The following IGF2BP2 variants were observed in gnomAD, a reference collection of about 807,000 sequenced individuals.
IGF2BP2 encodes insulin-like growth factor 2 mRNA-binding protein 2.
IGF2BP2 carries 17 observed loss-of-function variants against 75.8 expected under a neutral mutation model. The ratio of observed to expected loss-of-function variants is 0.22; its 90% confidence interval spans 0.15 to 0.34. The LOEUF is 0.34. Among genes scored for constraint, IGF2BP2 ranks in the 10% least tolerant of loss-of-function variants. The pLI is 1.00. For missense variants in IGF2BP2, 516 were observed against 772.4 expected (o/e 0.67, Z 3.93); for synonymous variants, 288 against 295.6 (o/e 0.97, Z 0.26).
At chr3:185,785,667 A>C (rs950222738) in intron 2 of IGF2BP2, among the ~76,000 whole-genome samples, 2 of 150,830 alleles carry the variant, frequency 1.3e-5, no homozygotes, top group Non-Finnish European at 3.0e-5. Flanking sequence ...AATAAAAAAA[A>C]TAATAATAAT....
intron 2 of IGF2BP2, among the ~76,000 whole-genome samples, chr3:185,785,300 C>CA (rs1230648409): frequency 0.041 from 2,739 of 67,482 alleles, 31 homozygotes; most frequent in Admixed American, 0.044. Flanking sequence ...GACTCCTTCT[C>CA]AAAAAAAAAA....
chr3:185,775,304 T>A (rs1734407521), intron 2 of IGF2BP2, among the ~76,000 whole-genome samples: 1 of 152,190 alleles, frequency 6.6e-6, no homozygotes, highest in Non-Finnish European at 1.5e-5. Flanking sequence ...AAGGAGTTGT[T>A]CCAAGAATTG....
At chr3:185,764,696 T>C (rs961325710) in intron 2 of IGF2BP2, among the ~76,000 whole-genome samples, 1 of 152,226 alleles carries the variant, frequency 6.6e-6, no homozygotes, top group East Asian at 1.9e-4. Flanking sequence ...ACATCTTGTA[T>C]GTGATAATTA....
chr3:185,818,394 T>C (rs1448747031), intron 2 of IGF2BP2, among the ~76,000 whole-genome samples: 1 of 152,166 alleles, frequency 6.6e-6, no homozygotes, highest in African/African-American at 2.4e-5. Flanking sequence ...GTTAACCACC[T>C]ACAAGAGTTA....
intron 2 of IGF2BP2, among the ~76,000 whole-genome samples, chr3:185,751,971 T>C (rs1731032868): frequency 6.6e-6 from 1 of 152,000 alleles, no homozygotes; most frequent in Non-Finnish European, 1.5e-5. Flanking sequence ...CAAAAAATAA[T>C]AATAATAATA....
At chr3:185,662,483 G>GA (rs1716613114) in intron 10 of IGF2BP2, among the ~76,000 whole-genome samples, 1 of 52,304 alleles carries the variant, frequency 1.9e-5, no homozygotes. Context: ...ATCTCAAAAA[G>GA]AAAAAAAGAC....
intron 2 of IGF2BP2, among the ~76,000 whole-genome samples, chr3:185,780,029 T>C (rs1735006815): frequency 2.0e-5 from 3 of 152,122 alleles, no homozygotes; most frequent in African/African-American, 7.2e-5. Flanking sequence ...GTACAGACAG[T>C]AAACGGAGGC....
chr3:185,715,186 A>G (rs1725402511), intron 2 of IGF2BP2, among the ~76,000 whole-genome samples: 1 of 152,236 alleles, frequency 6.6e-6, no homozygotes, highest in African/African-American at 2.4e-5. Context: ...GGGTCGGGAA[A>G]GATATTCTAA....
chr3:185,823,585 G>C (rs1578427101), intron 1 of IGF2BP2, among the ~76,000 whole-genome samples: 1 of 151,970 alleles, frequency 6.6e-6, no homozygotes, highest in African/African-American at 2.4e-5. Context: ...CCGCTAATCC[G>C]GGGCCCGAAG....
At chr3:185,656,480 G>A (rs751171751) in intron 12 of IGF2BP2, among the ~76,000 whole-genome samples, 2 of 152,228 alleles carry the variant, frequency 1.3e-5, no homozygotes, top group African/African-American at 2.4e-5. Context: ...GGGAGAAAGT[G>A]TAAGCATTCT....
At chr3:185,671,333 G>C (rs546430927) in intron 10 of IGF2BP2, among the ~76,000 whole-genome samples, 3 of 152,232 alleles carry the variant, frequency 2.0e-5, no homozygotes, top group Admixed American at 6.5e-5. Flanking sequence ...AGATCACGAG[G>C]TCAGGAGATG....
At chr3:185,779,408 G>A (rs1240638404) in intron 2 of IGF2BP2, among the ~76,000 whole-genome samples, 1 of 152,102 alleles carries the variant, frequency 6.6e-6, no homozygotes, top group African/African-American at 2.4e-5. Flanking sequence ...AATGTTCACA[G>A]TATCTAACTT....
intron 13 of IGF2BP2, 148 bp from the exon 14 acceptor site, chr3:185,649,682 C>T: frequency 9.2e-7 from 1 of 1,090,406 alleles, no homozygotes. Flanking sequence ...GTGCCCCAGC[C>T]TCCGCTCACA....
intron 2 of IGF2BP2, chr3:185,821,038 G>GTAGT (rs1263527271): frequency 1.0e-5 from 16 of 1,535,460 alleles, no homozygotes; most frequent in Non-Finnish European, 1.4e-5. Flanking sequence ...CATCAACGTG[G>GTAGT]TAGTGTCCAG....
At chr3:185,767,195 G>A (rs1020803155) in intron 2 of IGF2BP2, among the ~76,000 whole-genome samples, 1 of 152,190 alleles carries the variant, frequency 6.6e-6, no homozygotes, top group Non-Finnish European at 1.5e-5. Flanking sequence ...AGCTCCACCT[G>A]CAGCCTGTTT....
chr3:185,718,684 CAAAA>C (rs10699427), intron 2 of IGF2BP2, among the ~76,000 whole-genome samples: 1 of 49,530 alleles, frequency 2.0e-5, no homozygotes. Flanking sequence ...GACTCTGTCT[CAAAA>C]AAAAAAAAAA....
chr3:185,749,099 GGTT>G (rs1334146163), intron 2 of IGF2BP2, among the ~76,000 whole-genome samples: 2 of 152,168 alleles, frequency 1.3e-5, no homozygotes, highest in Non-Finnish European at 2.9e-5. Context: ...GGGAGGCAGA[GGTT>G]GCAGTGAGCC....
chr3:185,799,268 T>C (rs1295180188), intron 2 of IGF2BP2, among the ~76,000 whole-genome samples: 1 of 152,042 alleles, frequency 6.6e-6, no homozygotes, highest in Non-Finnish European at 1.5e-5. Flanking sequence ...TGTGGTGTCA[T>C]GTGCCTGTAG....
Position 185,649,507 on chromosome 3 carries a change from T to C in IGF2BP2, c.1489A>G (p.Lys497Glu). The change falls in exon 14 of 16, where the codon AAA (lysine) becomes GAA (glutamate). Residue 497 changes from lysine (K) to glutamate (E), a missense_variant. By Grantham distance (56) the Lys-to-Glu change is moderately conservative (BLOSUM62 1). Coordinates refer to ENST00000382199, the MANE Select transcript of IGF2BP2 (RefSeq NM_006548.6). Reference protein sequence around the residue: ...KAQGRIFGKLKEENFFNPKEE... With the variant: ...KAQGRIFGKLEEENFFNPKEE... ...TTGGGGTTAAAGAAGTTTTCCTCTTTCAGTTTCCCAAAGATCCGTCCCTGG... is the reference window on the plus strand; with the variant it reads ...TTGGGGTTAAAGAAGTTTTCCTCTTCCAGTTTCCCAAAGATCCGTCCCTGG... 6.2e-7 allele frequency: 1 copy of C among 1,614,140 alleles called. No homozygotes were observed. Among genetic ancestry groups the C allele is most frequent in the South Asian group, 1.1e-5 (1 of 91,084 alleles).
Sources: gnomAD v4.1 joint callset for allele counts (sites outside exome capture counted in the v4.1 genomes callset) on GRCh38, gnomAD v4.1.1 for gene constraint, MANE v1.5 for transcripts, NCBI Gene and HGNC (gene_info 2026-07-23, HGNC 2026-07-21) for gene names.